The following NEDD8 variants were observed in gnomAD, a reference collection of about 807,000 sequenced individuals.
NEDD8 encodes NEDD8 ubiquitin like modifier.
Under a neutral mutation model 13.8 loss-of-function variants are expected in NEDD8, and 1 was observed. The ratio of observed to expected loss-of-function variants is 0.07; its 90% CI spans 0.03 to 0.34. NEDD8 has a LOEUF of 0.34. NEDD8 is among the 10% of genes least tolerant of loss of function. The pLI, the probability that NEDD8 is intolerant of heterozygous loss-of-function variation, is 0.99. For missense variants in NEDD8, 10 were observed against 95.2 expected (o/e 0.10, Z 3.73); for synonymous variants, 31 against 33.2 (o/e 0.93, Z 0.23).
chr14:24,219,701 T>C (rs995932441), intron 1 of NEDD8, among the ~76,000 whole-genome samples: 2 of 152,172 alleles, frequency 1.3e-5, no homozygotes, highest in African/African-American at 4.8e-5. Context: ...TTGCTCTTAA[T>C]AGCTCTATCT....
chr14:24,229,867 T>C (rs1271729591), intron 1 of NEDD8, among the ~76,000 whole-genome samples: 1 of 152,018 alleles, frequency 6.6e-6, no homozygotes, highest in Admixed American at 6.6e-5. Context: ...GGTCAAGAGA[T>C]CGATACCATC....
chr14:24,218,539 C>T, intron 1 of NEDD8, 108 bp from the exon 2 acceptor site: 1 of 1,472,604 alleles, frequency 6.8e-7, no homozygotes, highest in Non-Finnish European at 9.5e-7. Context: ...CTAAAAGATG[C>T]ATATTCTCAG....
intron 1 of NEDD8, among the ~76,000 whole-genome samples, chr14:24,226,383 T>C (rs2039891188): frequency 6.8e-6 from 1 of 147,566 alleles, no homozygotes; most frequent in Admixed American, 6.8e-5. Context: ...AAGGTGGAGG[T>C]TGCAGTGAGC....
intron 1 of NEDD8, among the ~76,000 whole-genome samples, chr14:24,230,676 T>C (rs2138913774): frequency 6.7e-6 from 1 of 149,466 alleles, no homozygotes; most frequent in Non-Finnish European, 1.5e-5. Flanking sequence ...TGGAGTGCAA[T>C]GGCGCCATCT....
chr14:24,224,087 C>T (rs1238084120), intron 1 of NEDD8, among the ~76,000 whole-genome samples: 2 of 152,186 alleles, frequency 1.3e-5, no homozygotes. Flanking sequence ...GCCACTACGC[C>T]CAGGCTAATT....
intron 1 of NEDD8, among the ~76,000 whole-genome samples, chr14:24,229,453 C>G (rs956876665): frequency 2.6e-5 from 4 of 152,252 alleles, no homozygotes; most frequent in Non-Finnish European, 4.4e-5. Context: ...CTCCTGACCT[C>G]GTGATCCGCC....
chr14:24,223,258 A>G (rs1301538982), intron 1 of NEDD8, among the ~76,000 whole-genome samples: 1 of 151,890 alleles, frequency 6.6e-6, no homozygotes, highest in Non-Finnish European at 1.5e-5. Flanking sequence ...TTAGCCAGGC[A>G]TAGTGGCACA....
intron 1 of NEDD8, among the ~76,000 whole-genome samples, chr14:24,225,544 T>C (rs551000165): frequency 5.3e-5 from 8 of 152,294 alleles, no homozygotes; most frequent in South Asian, 2.1e-4. Flanking sequence ...AAGGAGTTGG[T>C]GAGTTTAAAT....
intron 1 of NEDD8, among the ~76,000 whole-genome samples, chr14:24,225,454 T>A (rs561094826): frequency 1.3e-5 from 2 of 152,188 alleles, no homozygotes; most frequent in Non-Finnish European, 1.5e-5. Flanking sequence ...AAAAAGGTTA[T>A]CTTTCACAGA....
At chr14:24,218,269 C>T (rs538537271) in intron 2 of NEDD8, 54 bp from the exon 3 acceptor site, 62 of 1,613,722 alleles carry the variant, frequency 3.8e-5, no homozygotes, top group South Asian at 1.3e-4. Flanking sequence ...ACCATGGAAA[C>T]GGAAAGAACA....
intron 1 of NEDD8, among the ~76,000 whole-genome samples, chr14:24,220,316 A>G (rs1298959631): frequency 6.6e-6 from 1 of 152,020 alleles, no homozygotes; most frequent in African/African-American, 2.4e-5. Context: ...ACTGAAAACT[A>G]TTTTTTTCCT....
At chr14:24,230,218 C>CAAAAA (rs560583502) in intron 1 of NEDD8, among the ~76,000 whole-genome samples, 8 of 73,850 alleles carry the variant, frequency 1.1e-4, no homozygotes, top group African/African-American at 3.2e-4. Context: ...GACTCTGTCT[C>CAAAAA]AAAAAAAAAA....
At chr14:24,223,227 A>T (rs1348512149) in intron 1 of NEDD8, among the ~76,000 whole-genome samples, 3 of 151,874 alleles carry the variant, frequency 2.0e-5, no homozygotes, top group Admixed American at 2.0e-4. Flanking sequence ...ACATAGTGAG[A>T]TCCCCATCTC....
At chr14:24,225,171 C>CAAAAAAA (rs71281817) in intron 1 of NEDD8, among the ~76,000 whole-genome samples, 2 of 123,948 alleles carry the variant, frequency 1.6e-5, no homozygotes, top group Non-Finnish European at 3.3e-5. Context: ...GACTCTGTCT[C>CAAAAAAA]AAAAAAAAAA....
chr14:24,227,307 G>A (rs1474916185), intron 1 of NEDD8: 1 of 152,228 alleles, frequency 6.6e-6, no homozygotes, highest in Non-Finnish European at 1.5e-5. Context: ...AATCTGCAAT[G>A]AGGAAATCAA....
At chr14:24,225,996 G>A (rs1294175347) in intron 1 of NEDD8, among the ~76,000 whole-genome samples, 2 of 150,564 alleles carry the variant, frequency 1.3e-5, no homozygotes, top group Non-Finnish European at 2.9e-5. Flanking sequence ...CAGGGATCAC[G>A]CCACTGCACT....
intron 1 of NEDD8, among the ~76,000 whole-genome samples, chr14:24,231,432 C>T (rs930840211): frequency 8.4e-6 from 1 of 119,284 alleles, no homozygotes; most frequent in Non-Finnish European, 1.6e-5. Flanking sequence ...TACTTAGCTA[C>T]AAAAAGGCCA....
At chr14:24,222,416 G>A (rs2039823279) in intron 1 of NEDD8, among the ~76,000 whole-genome samples, 1 of 152,154 alleles carries the variant, frequency 6.6e-6, no homozygotes, top group African/African-American at 2.4e-5. Flanking sequence ...GGTATATACA[G>A]TATATTAATG....
intron 1 of NEDD8, 53 bp from the exon 2 acceptor site, chr14:24,218,484 T>C (rs2039745956): frequency 6.2e-7 from 1 of 1,613,948 alleles, no homozygotes; most frequent in Non-Finnish European, 8.5e-7. Flanking sequence ...ACAATTTGTC[T>C]TCTAGGTAAA....
Sources: gnomAD v4.1 joint callset for allele counts (sites outside exome capture counted in the v4.1 genomes callset) on GRCh38, gnomAD v4.1.1 for gene constraint, MANE v1.5 for transcripts, NCBI Gene and HGNC (gene_info 2026-07-23, HGNC 2026-07-21) for gene names.